Variants in FAM185A observed in about 807,000 individuals in gnomAD.
FAM185A encodes the protein family with sequence similarity 185 member A.
A neutral mutation model predicts 45.7 loss-of-function variants in FAM185A; 21 were observed. The observed-to-expected ratio is 0.46, with a 90% CI of 0.33 to 0.66. The LOEUF (loss-of-function observed/expected upper bound fraction) is 0.66. Ranked by LOEUF, FAM185A falls within the 30% of genes least tolerant of loss-of-function variation. The pLI is 0.03. For missense variants in FAM185A, 305 were observed against 485.4 expected (o/e 0.63, Z 3.49); for synonymous variants, 117 against 194.0 (o/e 0.60, Z 3.30).
chr7:102,757,512 A>T (rs1334426164), intron 2 of FAM185A, among the ~76,000 whole-genome samples: 6 of 152,228 alleles, frequency 3.9e-5, no homozygotes, highest in African/African-American at 1.4e-4. Flanking sequence ...ATTAATGATG[A>T]ATAGTAACTG....
chr7:102,833,849 T>C, the FAM185A span, among the ~76,000 whole-genome samples: 1 of 152,028 alleles, frequency 6.6e-6, no homozygotes, highest in African/African-American at 2.4e-5. Flanking sequence ...TCAATACTTC[T>C]TAATTTTCAT....
the FAM185A span, among the ~76,000 whole-genome samples, chr7:102,828,465 A>C: frequency 2.0e-5 from 3 of 152,216 alleles, no homozygotes; most frequent in East Asian, 5.8e-4. Context: ...GCACTAAGAA[A>C]ATAAAGGTTG....
At chr7:102,759,631 T>C (rs62484871) in intron 3 of FAM185A, among the ~76,000 whole-genome samples, 3,651 of 152,220 alleles carry the variant, frequency 0.024, 82 homozygotes, top group Admixed American at 0.033. Context: ...CCAAACTACC[T>C]GTGTTTGAAT....
At chr7:102,834,396 T>A in the FAM185A span, among the ~76,000 whole-genome samples, 3,629 of 145,924 alleles carry the variant, frequency 0.025, 157 homozygotes, top group African/African-American at 0.087. Context: ...ATATATATAT[T>A]ATATGCGATT....
At chr7:102,811,394 G>T (rs564556299), downstream of FAM185A, among the ~76,000 whole-genome samples, 6 of 152,322 alleles carry the variant, frequency 3.9e-5, no homozygotes, top group East Asian at 1.2e-3. Flanking sequence ...AAACTTAAAA[G>T]ATTTCTCTAC....
At chr7:102,769,590 C>A (rs1356004423) in intron 4 of FAM185A, among the ~76,000 whole-genome samples, 1 of 151,690 alleles carries the variant, frequency 6.6e-6, no homozygotes, top group Non-Finnish European at 1.5e-5. Context: ...ATATCAGGGA[C>A]CTGTCTATCT....
intron 4 of FAM185A, among the ~76,000 whole-genome samples, chr7:102,765,019 G>A (rs1418736872): frequency 6.6e-6 from 1 of 152,240 alleles, no homozygotes; most frequent in Non-Finnish European, 1.5e-5. Flanking sequence ...ATGAACAATT[G>A]GCTGTTCACA....
the FAM185A span, among the ~76,000 whole-genome samples, chr7:102,834,032 T>TGAAGGAAGGAAGGAAGGAAGGAAGGAAG: frequency 1.1e-4 from 8 of 75,466 alleles, no homozygotes; most frequent in South Asian, 4.8e-4. Context: ...GAAACCATGA[T>TGAAGGAAGGAAGGAAGGAAGGAAGGAAG]GAAGGAAGGA....
chr7:102,757,705 A>G (rs532738485), intron 2 of FAM185A, 149 bp from the exon 3 acceptor site: 70 of 1,103,226 alleles, frequency 6.3e-5, no homozygotes, highest in East Asian at 4.7e-4. Flanking sequence ...AGTTGATGTC[A>G]TTATTCGAAG....
chr7:102,827,121 C>T, the FAM185A span: 2 of 454,240 alleles, frequency 4.4e-6, no homozygotes, highest in Admixed American at 2.4e-5. Flanking sequence ...TTCTTCTGAG[C>T]CAGGCCTCAA....
At chr7:102,828,441 CAT>C in the FAM185A span, among the ~76,000 whole-genome samples, 1 of 152,174 alleles carries the variant, frequency 6.6e-6, no homozygotes, top group Non-Finnish European at 1.5e-5. Context: ...AATTTCCAAA[CAT>C]GTTAGCCAGC....
At chr7:102,806,142 TTTGTTG>T (rs112645611) in intron 7 of FAM185A, among the ~76,000 whole-genome samples, 5 of 151,452 alleles carry the variant, frequency 3.3e-5, no homozygotes, top group African/African-American at 7.3e-5. Context: ...AAGCTGTTAT[TTTGTTG>T]TTGTTGTTGT....
intron 2 of FAM185A, among the ~76,000 whole-genome samples, chr7:102,754,051 T>G (rs1793531933): frequency 6.6e-6 from 1 of 152,216 alleles, no homozygotes; most frequent in South Asian, 2.1e-4. Flanking sequence ...CTAACTTCAA[T>G]TCACAAATGA....
At chr7:102,844,043 C>T in the FAM185A span, among the ~76,000 whole-genome samples, 2 of 152,124 alleles carry the variant, frequency 1.3e-5, no homozygotes, top group African/African-American at 4.8e-5. Flanking sequence ...AGAATATAAG[C>T]CACAAACCAG....
chr7:102,826,769 ATATG>A, the FAM185A span, among the ~76,000 whole-genome samples: 52 of 100,690 alleles, frequency 5.2e-4, no homozygotes, highest in South Asian at 8.0e-4. Context: ...ATATATATAT[ATATG>A]TATATATATC....
intron 4 of FAM185A, among the ~76,000 whole-genome samples, chr7:102,771,180 T>C (rs1266432741): frequency 3.3e-5 from 5 of 151,836 alleles, no homozygotes; most frequent in African/African-American, 9.7e-5. Flanking sequence ...GACATAAAGA[T>C]GGCAACAGTA....
downstream of FAM185A, among the ~76,000 whole-genome samples, chr7:102,813,871 A>T (rs556760179): frequency 1.0e-3 from 153 of 152,122 alleles, no homozygotes; most frequent in Non-Finnish European, 1.4e-3. Flanking sequence ...CTGATGAGGG[A>T]GTAACCTAAC....
the FAM185A span, among the ~76,000 whole-genome samples, chr7:102,836,753 G>A: frequency 4.6e-5 from 7 of 152,154 alleles, no homozygotes; most frequent in African/African-American, 1.7e-4. Context: ...TTCCTAAATA[G>A]GGTACGTAGA....
At chr7:102,787,194 A>G (rs1795862511) in intron 6 of FAM185A, 141 bp from the exon 7 acceptor site, 1 of 927,158 alleles carries the variant, frequency 1.1e-6, no homozygotes, top group Admixed American at 3.9e-5. Flanking sequence ...GGGAATAAGG[A>G]AAAGGTTTAA....
Sources: allele counts gnomAD v4.1 joint callset (sites outside exome capture counted in the v4.1 genomes callset), GRCh38; gene constraint gnomAD v4.1.1; transcripts MANE v1.5; gene names NCBI Gene and HGNC (gene_info 2026-07-23, HGNC 2026-07-21).